Variants in ST6GAL1 observed in about 807,000 individuals in gnomAD.
ST6GAL1 encodes the protein ST6 beta-galactoside alpha-2,6-sialyltransferase 1.
In ST6GAL1, 20 loss-of-function variants were observed where a neutral mutation model predicts 38.0. The observed-to-expected ratio is 0.53, with a 90% CI of 0.37 to 0.77. The LOEUF is 0.77. Ranked by LOEUF, ST6GAL1 falls within the 30% of genes least tolerant of loss-of-function variation. ST6GAL1 has a pLI of 0.00. For synonymous variants in ST6GAL1, 196 were observed against 188.2 expected, an observed-to-expected ratio of 1.04 and a Z score of -0.34; for missense variants, 432 against 496.4, an observed-to-expected ratio of 0.87 and a Z score of 1.23.
intron 2 of ST6GAL1, among the ~76,000 whole-genome samples, chr3:187,021,288 C>T (rs768217420): frequency 2.0e-5 from 3 of 152,114 alleles, no homozygotes; most frequent in Non-Finnish European, 4.4e-5. Context: ...TGCATGTTTC[C>T]TGGCGCATAG....
intron 1 of ST6GAL1, among the ~76,000 whole-genome samples, chr3:186,942,089 G>A (rs887849670): frequency 6.6e-6 from 1 of 152,178 alleles, no homozygotes; most frequent in Non-Finnish European, 1.5e-5. Context: ...GACCTCAATG[G>A]CCACTTAGGC....
intron 2 of ST6GAL1, among the ~76,000 whole-genome samples, chr3:186,996,356 G>T (rs1375572458): frequency 6.6e-6 from 1 of 152,182 alleles, no homozygotes; most frequent in Non-Finnish European, 1.5e-5. Context: ...ATGTAGAAAA[G>T]CCTGCTCTGT....
At chr3:187,021,538 G>A (rs6779920) in intron 2 of ST6GAL1, among the ~76,000 whole-genome samples, 1,761 of 151,830 alleles carry the variant, frequency 0.012, 25 homozygotes, top group African/African-American at 0.041. Flanking sequence ...TCAGGAGTTC[G>A]AGACCAGCCT....
chr3:186,961,574 A>T (rs1197790343), intron 1 of ST6GAL1, among the ~76,000 whole-genome samples: 1 of 152,134 alleles, frequency 6.6e-6, no homozygotes, highest in East Asian at 1.9e-4. Flanking sequence ...AGGACTTAAG[A>T]AGCACAAAAG....
chr3:186,956,317 T>C (rs1486115361), intron 1 of ST6GAL1, among the ~76,000 whole-genome samples: 1 of 152,204 alleles, frequency 6.6e-6, no homozygotes, highest in Non-Finnish European at 1.5e-5. Context: ...AAAACCTGAT[T>C]TGGACTGATG....
chr3:186,996,130 T>C (rs182087860), intron 2 of ST6GAL1, among the ~76,000 whole-genome samples: 6 of 152,336 alleles, frequency 3.9e-5, no homozygotes, highest in African/African-American at 1.4e-4. Flanking sequence ...ACAGAGTCTA[T>C]TTGAAGGACC....
chr3:187,027,328 G>T (rs540741278), intron 2 of ST6GAL1, among the ~76,000 whole-genome samples: 2 of 152,132 alleles, frequency 1.3e-5, no homozygotes, highest in African/African-American at 4.8e-5. Context: ...TCAGCGACCT[G>T]TTTCTCACCA....
chr3:186,937,626 CA>C (rs1033339098), intron 1 of ST6GAL1, among the ~76,000 whole-genome samples: 1 of 145,492 alleles, frequency 6.9e-6, no homozygotes, highest in African/African-American at 2.4e-5. Context: ...AAGGAGGAGG[CA>C]GGGGTAACAA....
intron 2 of ST6GAL1, among the ~76,000 whole-genome samples, chr3:186,997,223 T>C (rs561981292): frequency 6.6e-6 from 1 of 152,302 alleles, no homozygotes; most frequent in African/African-American, 2.4e-5. Flanking sequence ...GTCCTTTGCA[T>C]TTATCAAGCA....
intron 2 of ST6GAL1, among the ~76,000 whole-genome samples, chr3:187,004,447 T>TG (rs1716715731): frequency 1.3e-5 from 2 of 152,238 alleles, no homozygotes; most frequent in African/African-American, 4.8e-5. Context: ...TATAGAAAGA[T>TG]GGCCTTTTAT....
At chr3:187,022,569 T>A (rs2108566221) in intron 2 of ST6GAL1, among the ~76,000 whole-genome samples, 1 of 152,214 alleles carries the variant, frequency 6.6e-6, no homozygotes, top group African/African-American at 2.4e-5. Context: ...TAGATAGTGA[T>A]TGTCTCTTCT....
At position 187,076,993 on chromosome 3, in the gene ST6GAL1, C is replaced by T. The variant is rs1420977560; in HGVS notation, c.*1190C>T. The T allele has an allele frequency of 1.6e-5, 6 of 381,662 alleles. No homozygotes were observed. The highest frequency in any genetic ancestry group is 2.7e-5 in the Non-Finnish European group (6 of 222,690). 23.6% of individuals were successfully genotyped at this position (381,662 alleles called of 1,614,324 possible). ...CACCATCTGTTTTTTTTTTTTAAAGCATTTTTTGCTTTAAAAGCATCCTGA... is the reference window on the plus strand; with the variant it reads ...CACCATCTGTTTTTTTTTTTTAAAGTATTTTTTGCTTTAAAAGCATCCTGA... On this transcript the variant is annotated 3_prime_UTR_variant, in exon 8 of 8. Coordinates refer to ENST00000169298, the MANE Select transcript of ST6GAL1 (RefSeq NM_173216.2).
chr3:187,002,881 A>G (rs1369524838), intron 2 of ST6GAL1, among the ~76,000 whole-genome samples: 1 of 152,262 alleles, frequency 6.6e-6, no homozygotes. Flanking sequence ...ACGGTAGCAA[A>G]ATATCAAATG....
At chr3:186,965,800 A>G (rs1715091568) in intron 2 of ST6GAL1, among the ~76,000 whole-genome samples, 1 of 152,096 alleles carries the variant, frequency 6.6e-6, no homozygotes, top group Non-Finnish European at 1.5e-5. Flanking sequence ...CTTCCCCTGT[A>G]TCTGAAGTCC....
At chr3:186,966,844 C>T (rs533903521) in intron 2 of ST6GAL1, among the ~76,000 whole-genome samples, 2 of 152,146 alleles carry the variant, frequency 1.3e-5, no homozygotes, top group South Asian at 2.1e-4. Context: ...TCCCGGGGAG[C>T]GCACAAAGAC....
At chr3:187,046,994 G>A (rs919157795) in intron 4 of ST6GAL1, among the ~76,000 whole-genome samples, 1 of 152,192 alleles carries the variant, frequency 6.6e-6, no homozygotes, top group Non-Finnish European at 1.5e-5. Context: ...TGCCCAGGCT[G>A]GAGTGCAGTG....
chr3:186,940,434 A>G (rs1399550884), intron 1 of ST6GAL1, among the ~76,000 whole-genome samples: 2 of 152,136 alleles, frequency 1.3e-5, no homozygotes, highest in Non-Finnish European at 2.9e-5. Context: ...TTATATATGT[A>G]TTTGTGGCTA....
At chr3:187,050,528 CAAAG>C (rs1718470979) in intron 4 of ST6GAL1, among the ~76,000 whole-genome samples, 1 of 84,002 alleles carries the variant, frequency 1.2e-5, no homozygotes, top group African/African-American at 5.3e-5. Flanking sequence ...CAATGGCTTA[CAAAG>C]AAAGAGAGAG....
chr3:187,014,514 C>G (rs755361039), intron 2 of ST6GAL1, among the ~76,000 whole-genome samples: 5 of 152,210 alleles, frequency 3.3e-5, no homozygotes, highest in Non-Finnish European at 7.3e-5. Flanking sequence ...GTGGGGAGGG[C>G]AGGCAGCCCA....
Sources: gnomAD v4.1 joint callset for allele counts (sites outside exome capture counted in the v4.1 genomes callset) on GRCh38, gnomAD v4.1.1 for gene constraint, MANE v1.5 for transcripts, NCBI Gene and HGNC (gene_info 2026-07-23, HGNC 2026-07-21) for gene names.